RYR3: variants seen among roughly 807,000 people sequenced by gnomAD.
The protein encoded by RYR3 is brain ryanodine receptor-calcium release channel.
A neutral mutation model predicts 584.3 loss-of-function variants in RYR3; 207 were observed. The ratio of observed to expected loss-of-function variants is 0.35; its 90% CI spans 0.32 to 0.40. The LOEUF is 0.40. Ranked by LOEUF, RYR3 falls within the 10% of genes least tolerant of loss-of-function variation. The pLI, the probability that RYR3 is intolerant of heterozygous loss-of-function variation, is 1.00. For missense variants in RYR3, 5,616 were observed against 6,089.2 expected (o/e 0.92, Z 2.59); for synonymous variants, 2,416 against 2,248.5 (o/e 1.07, Z -2.11).
At chr15:33,315,757 G>A (rs1003331488) in intron 1 of RYR3, among the ~76,000 whole-genome samples, 10 of 152,202 alleles carry the variant, frequency 6.6e-5, no homozygotes, top group African/African-American at 2.2e-4. Flanking sequence ...CAGAAAGGCC[G>A]CATCAGCAGT....
chr15:33,325,162 G>T (rs1347743524), intron 1 of RYR3, among the ~76,000 whole-genome samples: 4 of 152,154 alleles, frequency 2.6e-5, no homozygotes, highest in African/African-American at 9.7e-5. Context: ...GAAACTGAAG[G>T]TTATTTGATG....
chr15:33,511,848 G>A (rs561842580), intron 3 of RYR3, among the ~76,000 whole-genome samples: 171 of 152,190 alleles, frequency 1.1e-3, no homozygotes, highest in Non-Finnish European at 2.0e-3. Context: ...GCGCGATCTC[G>A]GCTCACTGCA....
At chr15:33,741,381 G>A (rs1192084964) in intron 51 of RYR3, among the ~76,000 whole-genome samples, 1 of 152,154 alleles carries the variant, frequency 6.6e-6, no homozygotes, top group East Asian at 1.9e-4. Flanking sequence ...AGAATTTACT[G>A]CCCTAGTTTC....
chr15:33,783,195 T>C (rs1322369997), intron 65 of RYR3, among the ~76,000 whole-genome samples: 1 of 152,222 alleles, frequency 6.6e-6, no homozygotes, highest in African/African-American at 2.4e-5. Flanking sequence ...GGGTTTCTAA[T>C]GCAGTAAGTC....
chr15:33,407,833 G>C (rs1260541765), intron 1 of RYR3, among the ~76,000 whole-genome samples: 1 of 152,118 alleles, frequency 6.6e-6, no homozygotes, highest in Admixed American at 6.5e-5. Context: ...GCTAACCATA[G>C]GTTATTAAGG....
intron 49 of RYR3, among the ~76,000 whole-genome samples, chr15:33,737,934 AGGGGAGAGGGAGCGGGCAC>A (rs1428084366): frequency 6.6e-6 from 1 of 152,074 alleles, no homozygotes; most frequent in African/African-American, 2.4e-5. Context: ...GGTGTGAGAG[AGGGGAGAGGGAGCGGGCAC>A]GGGGAGTGGG....
intron 1 of RYR3, among the ~76,000 whole-genome samples, chr15:33,337,932 A>C (rs918177371): frequency 7.5e-5 from 7 of 93,122 alleles, no homozygotes; most frequent in Admixed American, 1.2e-4. Context: ...TCATTTTAGG[A>C]GATTTTTTTT....
rs115445798 is a variant in RYR3 at position 33,317,110 on chromosome 15, G to A, written c.51+6014G>A. On this transcript the variant is annotated intron_variant, in intron 1 of 103. Coordinates refer to ENST00000634891, the MANE Select transcript of RYR3 (RefSeq NM_001036.6). ...ATCTCAGAAAATTACCAAAGCTACC[G>A]TTTCCCATAGGACCGCCTTTTCTTA... Among the ~76,000 whole-genome samples the A allele has an allele frequency of 7.1e-3, 1,082 of 152,222 alleles. 12 individuals carry two copies. Among genetic ancestry groups the A allele is most frequent in the African/African-American group, 0.025 (1,050 of 41,536 alleles).
chr15:33,698,070 C>A, intron 40 of RYR3, 74 bp downstream of exon 40: 1 of 997,970 alleles, frequency 1.0e-6, no homozygotes, highest in South Asian at 1.3e-5. Flanking sequence ...TTCAGAGCCA[C>A]GTGGCTGGTG....
chr15:33,842,937 T>C (rs2078466227), intron 91 of RYR3, among the ~76,000 whole-genome samples: 1 of 152,178 alleles, frequency 6.6e-6, no homozygotes, highest in Admixed American at 6.5e-5. Flanking sequence ...AGCAGGATTC[T>C]TTATACCAAT....
chr15:33,761,006 A>G (rs902180512), intron 60 of RYR3, among the ~76,000 whole-genome samples: 13 of 152,356 alleles, frequency 8.5e-5, no homozygotes, highest in East Asian at 1.9e-4. Flanking sequence ...ACTACTGGGT[A>G]AATAATGAAA....
chr15:33,802,769 G>C (rs1185417512), intron 69 of RYR3, among the ~76,000 whole-genome samples: 1 of 152,216 alleles, frequency 6.6e-6, no homozygotes. Flanking sequence ...TGAGAAATGT[G>C]CCTCAGTGAG....
chr15:33,394,575 C>G (rs1203013039), intron 1 of RYR3, among the ~76,000 whole-genome samples: 2 of 152,172 alleles, frequency 1.3e-5, no homozygotes, highest in Non-Finnish European at 2.9e-5. Context: ...TGATTTTCTC[C>G]ATGGTATCTC....
intron 50 of RYR3, 135 bp from the exon 51 acceptor site, chr15:33,739,697 T>C (rs566103279): frequency 1.9e-5 from 12 of 627,172 alleles, no homozygotes; most frequent in Non-Finnish European, 3.2e-5. Flanking sequence ...ATTTAAGGGG[T>C]TACACATTTC....
intron 47 of RYR3, among the ~76,000 whole-genome samples, chr15:33,731,088 T>C (rs1381854637): frequency 6.6e-6 from 1 of 152,176 alleles, no homozygotes; most frequent in African/African-American, 2.4e-5. Context: ...AAAACCAGAA[T>C]AGTAATGTAG....
chr15:33,396,651 A>T (rs889204164), intron 1 of RYR3, among the ~76,000 whole-genome samples: 1 of 152,190 alleles, frequency 6.6e-6, no homozygotes, highest in Non-Finnish European at 1.5e-5. Context: ...CATGAGTGAA[A>T]CAGGCTGGCC....
At chr15:33,404,499 A>G (rs934514510) in intron 1 of RYR3, among the ~76,000 whole-genome samples, 2 of 152,000 alleles carry the variant, frequency 1.3e-5, no homozygotes, top group Non-Finnish European at 2.9e-5. Flanking sequence ...CAGAACTACT[A>G]TCATTGAAAT....
At chr15:33,517,997 G>A (rs2053662533) in intron 3 of RYR3, among the ~76,000 whole-genome samples, 1 of 152,122 alleles carries the variant, frequency 6.6e-6, no homozygotes, top group Non-Finnish European at 1.5e-5. Context: ...AATTTTCTAG[G>A]GTTTCTAAAT....
At chr15:33,837,525 C>G in intron 88 of RYR3, 106 bp from the exon 89 acceptor site, 1 of 1,233,292 alleles carries the variant, frequency 8.1e-7, no homozygotes, top group Non-Finnish European at 1.1e-6. Context: ...CAGAGAAGAG[C>G]TGACTAATTT....
Sources: allele counts gnomAD v4.1 joint callset (sites outside exome capture counted in the v4.1 genomes callset), GRCh38; gene constraint gnomAD v4.1.1; transcripts MANE v1.5; gene names NCBI Gene and HGNC (gene_info 2026-07-23, HGNC 2026-07-21).